PIKFYVE: variants seen among roughly 807,000 people sequenced by gnomAD.
PIKFYVE encodes phosphoinositide kinase, FYVE-type zinc finger containing, also known as 1-phosphatidylinositol 3-phosphate 5-kinase.
A neutral mutation model predicts 257.9 loss-of-function variants in PIKFYVE; 122 were observed. That is an observed-to-expected ratio of 0.47 (90% CI 0.41 to 0.55). The LOEUF (loss-of-function observed/expected upper bound fraction) is 0.55, where lower values mean the gene tolerates loss of function less well. PIKFYVE is among the 20% of genes least tolerant of loss of function. The probability of loss-of-function intolerance (pLI) is 0.00; values close to 1 mark genes in which losing one functional copy is unlikely to be tolerated. For missense variants in PIKFYVE, 2,160 were observed against 2,536.6 expected, an observed-to-expected ratio of 0.85 and a Z score of 3.19; for synonymous variants, 892 against 868.9, an observed-to-expected ratio of 1.03 and a Z score of -0.47.
At position 208,276,947 on chromosome 2, in the gene PIKFYVE, G is replaced by A. The variant is rs967176273; in HGVS notation, c.441+117G>A. 2.7e-5 allele frequency: 20 copies of A among 747,268 alleles called. No homozygotes were observed. The African/African-American group carries it at 3.0e-4, about 11-fold the overall frequency. 46.3% of individuals were successfully genotyped at this position (747,268 alleles called of 1,614,324 possible). A position where few individuals can be genotyped will look rare whatever the true frequency, so the allele number is the denominator to read the frequency against. ...AGCTTAATTAGCGCTTCCTCCAGCT[G>A]TGAGCACCCTATTTTTATACATAAG... On this transcript the variant is annotated intron_variant, in intron 4 of 41. Coordinates refer to ENST00000264380, the MANE Select transcript of PIKFYVE (RefSeq NM_015040.4).
chr2:208,322,085 T>C (rs1196067152), intron 17 of PIKFYVE, among the ~76,000 whole-genome samples: 1 of 152,158 alleles, frequency 6.6e-6, no homozygotes, highest in Non-Finnish European at 1.5e-5. Context: ...TTCATAACCA[T>C]ACTAAAACAA....
At chr2:208,283,957 G>T (rs555292074) in intron 5 of PIKFYVE, among the ~76,000 whole-genome samples, 1 of 152,288 alleles carries the variant, frequency 6.6e-6, no homozygotes, top group Admixed American at 6.5e-5. Flanking sequence ...GGCCATTTTG[G>T]TAGTGATTAT....
chr2:208,325,466 A>G lies in PIKFYVE; in HGVS notation c.2655A>G (p.Gln885=). 1 of 1,614,148 alleles carries G rather than the reference A, an allele frequency of 6.2e-7. No individual in the cohort carries two copies. Residue 885 remains glutamine, a synonymous_variant, in exon 20 of 42, where the codon CAA becomes CAG. Transcript: ENST00000264380. ...DEFAMPPTLM[Q]NPSFHSLIEG... is the part of the protein sequence containing the mutation. Reference sequence around the variant, plus strand: ...TTGCTATGCCTCCCACATTAATGCAAAACCCTTCATTCCATTCCCTGATTG... The same window carrying G: ...TTGCTATGCCTCCCACATTAATGCAGAACCCTTCATTCCATTCCCTGATTG...
chr2:208,314,379 C>T lies in PIKFYVE; in HGVS notation c.1782C>T (p.Leu594=), dbSNP rs377413630. 44 of 1,613,908 alleles carry T rather than the reference C, an allele frequency of 2.7e-5. No individual in the cohort carries two copies. In the East Asian group the frequency reaches 7.8e-4, roughly 29 times the overall value. ...PLGWHHNNLE[L]LREENGEKQA... Reference sequence around the variant, plus strand: ...GCTGGCATCATAACAACCTGGAGCTCCTGAGGGAGGAGAATGGGGAGAAAC... The same window carrying T: ...GCTGGCATCATAACAACCTGGAGCTTCTGAGGGAGGAGAATGGGGAGAAAC... Residue 594 remains leucine, a synonymous_variant, in exon 14 of 42, where the codon CTC becomes CTT. Transcript: ENST00000264380.
At chr2:208,285,623 A>G in intron 5 of PIKFYVE, 103 bp from the exon 6 acceptor site, 1 of 913,966 alleles carries the variant, frequency 1.1e-6, no homozygotes, top group Non-Finnish European at 1.8e-6. Flanking sequence ...CCGTTATTAG[A>G]TGAACTGTTG....
intron 25 of PIKFYVE, 93 bp from the exon 26 acceptor site, chr2:208,335,700 T>C: frequency 1.9e-6 from 2 of 1,048,398 alleles, no homozygotes; most frequent in Non-Finnish European, 2.9e-6. Context: ...ATAATTTCAA[T>C]TACATTTTGC....
In PIKFYVE at chr2:208,336,916, G is replaced by T; in HGVS notation, c.4599G>T (p.Gly1533=). 1.2e-6 allele frequency: 2 copies of T among 1,610,762 alleles called. No individual in the cohort carries two copies. Residue 1533 remains glycine (G), a synonymous_variant, in exon 28 of 42, where the codon GGG becomes GGT. Coordinates refer to ENST00000264380, the MANE Select transcript of PIKFYVE (RefSeq NM_015040.4). ...CAAGTCCTGGAAGACTGAGACAAGG[G>T]GAAGAAAGCAAGGTATGAAATGTAG... ...VPPSPGRLRQ[G]EESKISAMDA... is the part of the protein sequence containing the mutation.
In PIKFYVE at chr2:208,284,905, A is replaced by ACAGTCCTCCCGCCCTCAAG. The variant is rs567949076; in HGVS notation, c.614-813_614-795dup. On this transcript the variant is annotated intron_variant, in intron 5 of 41. Transcript: ENST00000264380. ...GTTGTTCTTGAGCTCCTGCCCTCAA[A>ACAGTCCTCCCGCCCTCAAG]CAGTCCTCCCGCCCTCAAGCAGTCC... Among the ~76,000 whole-genome samples the ACAGTCCTCCCGCCCTCAAG allele has an allele frequency of 4.6e-4, 70 of 151,384 alleles. 1 individual carries two copies. The East Asian group carries it at 0.013, about 29-fold the overall frequency.
chr2:208,354,900 TTTAA>T (rs1700067948), intron 41 of PIKFYVE, among the ~76,000 whole-genome samples: 1 of 152,228 alleles, frequency 6.6e-6, no homozygotes, highest in Non-Finnish European at 1.5e-5. Context: ...AGAGATTGTC[TTTAA>T]TTAACACTTG....
intron 28 of PIKFYVE, among the ~76,000 whole-genome samples, chr2:208,337,689 C>T (rs565882007): frequency 4.1e-4 from 63 of 152,114 alleles, no homozygotes; most frequent in African/African-American, 1.5e-3. Flanking sequence ...TTCAAGGACT[C>T]CTGATAGTCC....
intron 5 of PIKFYVE, 70 bp downstream of exon 5, chr2:208,277,778 A>G (rs1188928023): frequency 6.5e-7 from 1 of 1,527,922 alleles, no homozygotes; most frequent in African/African-American, 1.4e-5. Flanking sequence ...AATACAGGAT[A>G]GTGTTAAGCC....
Position 208,320,274 on chromosome 2 carries a change from C to T in PIKFYVE, c.2105C>T (p.Pro702Leu), listed in dbSNP as rs1696061647. ...HKKMSSCIKN[P>L]KILLLKCSIE... Reference sequence around the variant, plus strand: ...TAGATGAGTTCTTGTATTAAAAACCCCAAAATTCTTCTGTTGAAGTGTTCC... The same window carrying T: ...TAGATGAGTTCTTGTATTAAAAACCTCAAAATTCTTCTGTTGAAGTGTTCC... Residue 702 changes from proline to leucine, a missense_variant, in exon 17 of 42, where the codon CCC (proline) becomes CTC (leucine). Physicochemically the swap from Pro to Leu is moderately conservative, Grantham distance 98 (BLOSUM62 -3). This residue lies in a region of PIKFYVE where 346 missense variants were observed against 365.6 expected (regional missense o/e 0.95). Coordinates refer to ENST00000264380, the MANE Select transcript of PIKFYVE (RefSeq NM_015040.4). The T allele has an allele frequency of 3.7e-6, 6 of 1,611,488 alleles. No homozygotes were observed. Among genetic ancestry groups the T allele is most frequent in the African/African-American group, 1.3e-5 (1 of 74,840 alleles).
chr2:208,274,095 G>A (rs772561909), intron 3 of PIKFYVE: 7 of 1,591,398 alleles, frequency 4.4e-6, no homozygotes, highest in Non-Finnish European at 6.0e-6. Context: ...TCTGTTCTTG[G>A]GGTGCTAGTG....
Position 208,276,762 on chromosome 2 carries a change from G to A in PIKFYVE, c.373G>A (p.Ala125Thr), listed in dbSNP as rs758603032. The change falls in exon 4 of 42, where the codon GCT (alanine) becomes ACT (threonine). Residue 125 changes from alanine to threonine, a missense_variant. Coordinates refer to ENST00000264380, the MANE Select transcript of PIKFYVE (RefSeq NM_015040.4). ...CTTTGGAGGTCATGACCCTCGTACAGCTGTTCAGCTTCGAAGCCTCAGCAC... is the reference window on the plus strand; with the variant it reads ...CTTTGGAGGTCATGACCCTCGTACAACTGTTCAGCTTCGAAGCCTCAGCAC... ...PTFGGHDPRTAVQLRSLSTVL... is the reference protein window; with the variant it reads ...PTFGGHDPRTTVQLRSLSTVL... The A allele has an allele frequency of 1.9e-6, 3 of 1,613,716 alleles. 1 individual carries two copies. The highest frequency in any genetic ancestry group is 2.5e-6 in the Non-Finnish European group (3 of 1,179,726).
intron 7 of PIKFYVE, among the ~76,000 whole-genome samples, chr2:208,295,819 A>G (rs1455475654): frequency 6.6e-6 from 1 of 152,218 alleles, no homozygotes; most frequent in Non-Finnish European, 1.5e-5. Flanking sequence ...TGAATACCCT[A>G]TATCTTACTA....
At chr2:208,324,632 T>C (rs1053495391) in intron 18 of PIKFYVE, among the ~76,000 whole-genome samples, 1 of 152,184 alleles carries the variant, frequency 6.6e-6, no homozygotes. Context: ...GGGCCAATTC[T>C]AGGAAGTTGT....
At chr2:208,314,247 A>G in intron 13 of PIKFYVE, 47 bp from the exon 14 acceptor site, 2 of 1,587,658 alleles carry the variant, frequency 1.3e-6, no homozygotes, top group Non-Finnish European at 1.7e-6. Context: ...TAGATGGTAT[A>G]AAACAGGACA....
At chr2:208,284,411 C>G (rs1242439401) in intron 5 of PIKFYVE, among the ~76,000 whole-genome samples, 1 of 152,090 alleles carries the variant, frequency 6.6e-6, no homozygotes, top group Non-Finnish European at 1.5e-5. Flanking sequence ...CAGGCACCCG[C>G]CGCCATGCCT....
At chr2:208,324,802 G>A in intron 18 of PIKFYVE, 109 bp from the exon 19 acceptor site, 1 of 1,335,546 alleles carries the variant, frequency 7.5e-7, no homozygotes. Context: ...TATTAAAAAG[G>A]AAATTTGTGA....
Sources: allele counts gnomAD v4.1 joint callset (sites outside exome capture counted in the v4.1 genomes callset), GRCh38; gene constraint gnomAD v4.1.1; regional missense constraint gnomAD v4.1.1; transcripts MANE v1.5; gene names NCBI Gene and HGNC (gene_info 2026-07-23, HGNC 2026-07-21).